URB1: variants seen among roughly 807,000 people sequenced by gnomAD.
URB1 encodes nucleolar pre-ribosomal-associated protein 1.
URB1 carries 197 observed loss-of-function variants against 242.3 expected under a neutral mutation model. The observed-to-expected ratio is 0.81, with a 90% CI of 0.72 to 0.91. The LOEUF is 0.91. URB1 is among the 40% of genes least tolerant of loss of function. The probability of loss-of-function intolerance (pLI) is 0.00; values close to 1 mark genes in which losing one functional copy is unlikely to be tolerated. For missense variants in URB1, 2,721 were observed against 2,860.5 expected, an observed-to-expected ratio of 0.95 and a Z score of 1.11; for synonymous variants, 1,153 against 1,201.8, an observed-to-expected ratio of 0.96 and a Z score of 0.84.
rs544049261 is a variant in URB1, at chr21:32,361,667, C to G, written c.1639+225G>C. Among the ~76,000 whole-genome samples, 21 of 152,336 alleles carry G rather than the reference C, an allele frequency of 1.4e-4. 1 individual carries two copies. In the South Asian group the frequency reaches 4.1e-3, roughly 30 times the overall value. ...CTCAAGTCTTCAGAGAGACACAGTGCTCGCATAAAGATGGGCACGTTTCTA... is the reference window on the plus strand; with the variant it reads ...CTCAAGTCTTCAGAGAGACACAGTGGTCGCATAAAGATGGGCACGTTTCTA... On this transcript the variant is annotated intron_variant, in intron 12 of 38. Coordinates refer to ENST00000382751, the MANE Select transcript of URB1 (RefSeq NM_014825.3).
chr21:32,321,906 C>A lies in URB1; in HGVS notation c.5379G>T (p.Arg1793=). The change falls in exon 34 of 39, where the codon CGG becomes CGT. Residue 1793 remains arginine, a synonymous_variant. Coordinates refer to ENST00000382751, the MANE Select transcript of URB1 (RefSeq NM_014825.3). ...TEQKWVFGVL[R]QGIRDKQCYE... is the part of the protein sequence containing the mutation. ...AGCACTGCTTGTCACGGATCCCCTG[C>A]CGCAGAACGCCAAACACCCACTTCT... The A allele has an allele frequency of 6.4e-7, 1 of 1,551,704 alleles. No homozygotes were observed. The highest frequency in any genetic ancestry group is 8.7e-7 in the Non-Finnish European group (1 of 1,146,996).
intron 4 of URB1, among the ~76,000 whole-genome samples, chr21:32,382,272 G>C (rs1255678206): frequency 2.6e-5 from 4 of 152,184 alleles, no homozygotes; most frequent in Non-Finnish European, 5.9e-5. Context: ...GCCCTCGTCT[G>C]CAAATAGCAC....
rs547568034 is a variant in URB1, at chr21:32,316,859, C to A, written c.6241G>T (p.Asp2081Tyr). The stretch of plus-strand genomic sequence containing the variant: ...GCATCGCTCTCGGGGCTGGCTGAGT[C>A]CACAGGCTCCTGAGTGGGGTCAGGA... Reference protein sequence around the residue: ...PGPDPTQEPVDSASPESDAPG... With the variant: ...PGPDPTQEPVYSASPESDAPG... The change falls in exon 38 of 39, where the codon GAC becomes TAC. Residue 2081 changes from aspartate (D) to tyrosine (Y), a missense_variant. Coordinates refer to ENST00000382751, the MANE Select transcript of URB1 (RefSeq NM_014825.3). 4.5e-6 allele frequency: 7 copies of A among 1,550,644 alleles called. No homozygotes were observed. The East Asian group carries it at 1.7e-4, about 38-fold the overall frequency.
At position 32,350,806 on chromosome 21, in the gene URB1, C is replaced by T; in HGVS notation, c.2730G>A (p.Val910=). ...GGTGTGGCATGGTGGCCTGCAGCTG[C>T]ACCTGGATGTGCTCGTCCCGAAGCG... ...SQALRDEHIQ[V]QLQATMPHLS... Residue 910 remains valine, a synonymous_variant, in exon 20 of 39, where the codon GTG becomes GTA. Coordinates refer to ENST00000382751, the MANE Select transcript of URB1 (RefSeq NM_014825.3). 6.4e-7 allele frequency: 1 copy of T among 1,551,410 alleles called. No homozygotes were observed.
Position 32,392,785 on chromosome 21 carries a change from C to A in URB1, c.126G>T (p.Pro42=), listed in dbSNP as rs2033654415. ...GVRFKAQLKD[P]QGPGPGLEAF... ...CGGACTCACCTGGCCCGGGGCCCTG[C>A]GGGTCCTTCAGCTGAGCCTTGAACC... Residue 42 remains proline, a synonymous_variant, in exon 1 of 39, where the codon CCG becomes CCT. Transcript: ENST00000382751. 1.0e-5 allele frequency: 15 copies of A among 1,489,804 alleles called. No individual in the cohort carries two copies. In the South Asian group the frequency reaches 1.6e-4, roughly 16 times the overall value. 92.3% of individuals were successfully genotyped at this position (1,489,804 alleles called of 1,614,324 possible).
intron 11 of URB1, among the ~76,000 whole-genome samples, chr21:32,362,414 C>T (rs1346745648): frequency 3.3e-5 from 5 of 152,086 alleles, no homozygotes; most frequent in Non-Finnish European, 4.4e-5. Flanking sequence ...ACCATGTTGG[C>T]CAGGCTGGTC....
At position 32,316,532 on chromosome 21, in the gene URB1, G is replaced by A. The variant is rs903668222; in HGVS notation, c.6568C>T (p.Pro2190Ser). ...AGGGCTTCCATGGCCGGGTGGAAGG[G>A]GCTCCCTGCCCGGCCCTGGGCAGCC... ...LVAAQGRAGS[P>S]FHPAMEALSL... The change falls in exon 38 of 39, where the codon CCC becomes TCC. Residue 2190 changes from proline (P) to serine (S), a missense_variant. Physicochemically the swap from Pro to Ser is moderately conservative, Grantham distance 74. Coordinates refer to ENST00000382751, the MANE Select transcript of URB1 (RefSeq NM_014825.3). 9 of 1,550,334 alleles carry A rather than the reference G, an allele frequency of 5.8e-6. No individual in the cohort carries two copies. In the African/African-American group the frequency reaches 1.1e-4, roughly 19 times the overall value.
chr21:32,347,937 T>G, intron 21 of URB1, 126 bp from the exon 22 acceptor site: 10 of 1,379,332 alleles, frequency 7.2e-6, no homozygotes, highest in Non-Finnish European at 9.5e-6. Context: ...TCCTAATCCA[T>G]TCCATCCTCA....
intron 8 of URB1, among the ~76,000 whole-genome samples, chr21:32,371,108 C>T (rs1047202558): frequency 2.0e-5 from 3 of 152,126 alleles, no homozygotes; most frequent in Non-Finnish European, 4.4e-5. Flanking sequence ...GGAAGGCCTC[C>T]CTGAAGTGGT....
intron 5 of URB1, among the ~76,000 whole-genome samples, chr21:32,377,503 T>G (rs2033472712): frequency 6.6e-6 from 1 of 151,390 alleles, no homozygotes; most frequent in South Asian, 2.1e-4. Context: ...AGCAGCAAGA[T>G]ATCCTGAACC....
rs565904819 is a variant in URB1, at chr21:32,315,784, C to G, written c.6634+682G>C. On this transcript the variant is annotated intron_variant, in intron 38 of 38. Transcript: ENST00000382751. The stretch of plus-strand genomic sequence containing the variant: ...GAGAAAGCTTGCAGGCAAAAAGGCT[C>G]AATTCCCCAACTGCGGCCAGACCAG... Among the ~76,000 whole-genome samples, 3 of 152,314 alleles carry G rather than the reference C, an allele frequency of 2.0e-5. No homozygotes were observed. The South Asian group carries it at 6.2e-4, about 32-fold the overall frequency.
chr21:32,365,537 C>G (rs2033337553), intron 10 of URB1, among the ~76,000 whole-genome samples: 1 of 152,102 alleles, frequency 6.6e-6, no homozygotes, highest in South Asian at 2.1e-4. Flanking sequence ...ATCTGGTTTT[C>G]CTGCAAGCCC....
intron 6 of URB1, 95 bp from the exon 7 acceptor site, chr21:32,373,867 C>A: frequency 8.4e-7 from 1 of 1,191,820 alleles, no homozygotes; most frequent in Non-Finnish European, 1.1e-6. Flanking sequence ...GTTTTCTCAT[C>A]ATTATAAAAA....
chr21:32,361,056 G>GTACTGCAT lies in URB1; in HGVS notation c.1706_1707insATGCAGTA (p.Pro570CysfsTer18). Reference sequence around the variant, plus strand: ...AGTTGTACTGCATGACCACGTGGGGGACCACCTTCTGGTAGAGGCATATGA... The same window carrying GTACTGCAT: ...AGTTGTACTGCATGACCACGTGGGGGTACTGCATACCACCTTCTGGTAGAGGCATATGA... On this transcript the variant is annotated frameshift_variant, in exon 13 of 39. Transcript: ENST00000382751. LOFTEE classifies it high-confidence loss of function. 6.4e-7 allele frequency: 1 copy of GTACTGCAT among 1,551,152 alleles called. No individual in the cohort carries two copies. Among genetic ancestry groups the GTACTGCAT allele is most frequent in the Admixed American group, 2.0e-5 (1 of 50,922 alleles).
Position 32,338,731 on chromosome 21 carries a change from C to G in URB1, c.4486G>C (p.Glu1496Gln). ...LPTLLTSDGE[E>Q]SPDSQVKEAL... Reference sequence around the variant, plus strand: ...CCTTTTACTTGGCTGTCCGGGCTCTCCTCTCCGTCAGACGTCAGTAGAGTC... The same window carrying G: ...CCTTTTACTTGGCTGTCCGGGCTCTGCTCTCCGTCAGACGTCAGTAGAGTC... The change falls in exon 26 of 39, where the codon GAG becomes CAG. Residue 1496 changes from glutamate (E) to glutamine (Q), a missense_variant. Glu to Gln is a conservative substitution (Grantham distance 29, BLOSUM62 2). Transcript: ENST00000382751. 2 of 1,551,518 alleles carry G rather than the reference C, an allele frequency of 1.3e-6. No homozygotes were observed. The highest frequency in any genetic ancestry group is 2.4e-5 in the South Asian group (2 of 84,034).
chr21:32,368,267 C>T (rs1389845864), intron 9 of URB1, 136 bp downstream of exon 9: 4 of 649,654 alleles, frequency 6.2e-6, no homozygotes, highest in Non-Finnish European at 9.3e-6. Flanking sequence ...CAGGTTTCGT[C>T]ACGTTGGCCA....
chr21:32,373,215 A>C (rs1473660128), intron 7 of URB1, among the ~76,000 whole-genome samples: 1 of 152,186 alleles, frequency 6.6e-6, no homozygotes, highest in Non-Finnish European at 1.5e-5. Flanking sequence ...TGAGGCTCCT[A>C]GACATTCAGG....
chr21:32,358,753 G>A (rs1423790342), intron 14 of URB1, among the ~76,000 whole-genome samples: 1 of 152,080 alleles, frequency 6.6e-6, no homozygotes, highest in Non-Finnish European at 1.5e-5. Flanking sequence ...AGCAATGCCC[G>A]AGCCTGTCAC....
At chr21:32,326,066 A>G (rs1360606164) in intron 30 of URB1, among the ~76,000 whole-genome samples, 1 of 152,188 alleles carries the variant, frequency 6.6e-6, no homozygotes, top group Non-Finnish European at 1.5e-5. Flanking sequence ...AGACTCACAG[A>G]GAGAGGGAGA....
Sources: allele counts gnomAD v4.1 joint callset (sites outside exome capture counted in the v4.1 genomes callset), GRCh38; gene constraint gnomAD v4.1.1; transcripts MANE v1.5; gene names NCBI Gene and HGNC (gene_info 2026-07-23, HGNC 2026-07-21).